ZNF280A: variants seen among roughly 807,000 people sequenced by gnomAD.
ZNF280A encodes the protein zinc finger protein 280A.
In ZNF280A, 26 loss-of-function variants were observed where a neutral mutation model predicts 35.9. The observed-to-expected ratio is 0.72, with a 90% CI of 0.53 to 1.01. The LOEUF (loss-of-function observed/expected upper bound fraction) is 1.01, where lower values mean the gene tolerates loss of function less well. ZNF280A is among the 50% of genes least tolerant of loss of function. The pLI is 0.00. For missense variants in ZNF280A, 654 were observed against 652.0 expected, an observed-to-expected ratio of 1.00 and a Z score of -0.03; for synonymous variants, 231 against 232.9, an observed-to-expected ratio of 0.99 and a Z score of 0.07.
Position 22,514,454 on chromosome 22 carries a change from G to C in ZNF280A, c.1177C>G (p.Pro393Ala), listed in dbSNP as rs746904020. 1.8e-5 allele frequency: 29 copies of C among 1,613,806 alleles called. No homozygotes were observed. The highest frequency in any genetic ancestry group is 2.5e-5 in the Non-Finnish European group (29 of 1,179,986). ...TAATGGCAAACCTGGCACACATAAG[G>C]CATTTCGCCAGGCTTATGATGGTCC... Reference protein sequence around the residue: ...MKDHHKPGEMPYVCQVCHYRS... With the variant: ...MKDHHKPGEMAYVCQVCHYRS... The change falls in exon 2 of 2, where the codon CCT (proline) becomes GCT (alanine). Residue 393 changes from proline (P) to alanine (A), a missense_variant. Pro to Ala is a conservative substitution (Grantham distance 27). Coordinates refer to ENST00000302097, the MANE Select transcript of ZNF280A (RefSeq NM_080740.5).
rs935262490 is a variant in ZNF280A, at chr22:22,514,717, T to C, written c.914A>G (p.Lys305Arg). ...CATAAACTTAATATTTTTTAGAACT[T>C]TCACGCAGCTGAGGCATTTAAAGGT... Reference protein sequence around the residue: ...HTTFKCLSCVKVLKNIKFMNH... With the variant: ...HTTFKCLSCVRVLKNIKFMNH... The change falls in exon 2 of 2, where the codon AAA becomes AGA. Residue 305 changes from lysine (K) to arginine (R), a missense_variant. Coordinates refer to ENST00000302097, the MANE Select transcript of ZNF280A (RefSeq NM_080740.5). The C allele has an allele frequency of 6.2e-7, 1 of 1,613,826 alleles. No individual in the cohort carries two copies. Among genetic ancestry groups the C allele is most frequent in the African/African-American group, 1.3e-5 (1 of 74,874 alleles).
chr22:22,515,776 A>G (rs2062062371), intron 1 of ZNF280A, 75 bp from the exon 2 acceptor site: 1 of 1,283,158 alleles, frequency 7.8e-7, no homozygotes, highest in Non-Finnish European at 1.0e-6. Context: ...ATCCTCCCTT[A>G]AAACACTGAG....
At chr22:22,518,553 C>T (rs1028225945) in intron 1 of ZNF280A, among the ~76,000 whole-genome samples, 2 of 151,188 alleles carry the variant, frequency 1.3e-5, no homozygotes, top group Non-Finnish European at 2.9e-5. Context: ...TTTGGGAGGC[C>T]GAGGTGGGCA....
rs1342218479 is a variant in ZNF280A, at chr22:22,514,366, T to C, written c.1265A>G (p.Asn422Ser). The change falls in exon 2 of 2, where the codon AAT becomes AGT. Residue 422 changes from asparagine (N) to serine (S), a missense_variant. Physicochemically the swap from Asn to Ser is conservative, Grantham distance 46. Coordinates refer to ENST00000302097, the MANE Select transcript of ZNF280A (RefSeq NM_080740.5). ...TTTGAGACAAAACAGACAAAGCAAA[T>C]TCTTTGTGTTTTCATGGCACGTTCT... ...HFRTCHENTK[N>S]LLCLFCLKLF... 2 of 1,613,882 alleles carry C rather than the reference T, an allele frequency of 1.2e-6. No individual in the cohort carries two copies. The highest frequency in any genetic ancestry group is 4.5e-5 in the East Asian group (2 of 44,812).
In ZNF280A at chr22:22,520,067, GAT is replaced by G. The variant is rs2062122561; in HGVS notation, c.-72+20_-72+21del. The G allele has an allele frequency of 2.0e-5, 3 of 152,042 alleles. No homozygotes were observed. Among genetic ancestry groups the G allele is most frequent in the African/African-American group, 7.2e-5 (3 of 41,500 alleles). 9.4% of individuals were successfully genotyped at this position (152,042 alleles called of 1,614,324 possible). A position where few individuals can be genotyped will look rare whatever the true frequency, so the allele number is the denominator to read the frequency against. ...CTAGTTTTAGAGGAGCAAAATGAAA[GAT>G]AGCAAATTTCTCAGCTCACCAGTTC... On this transcript the variant is annotated intron_variant, in intron 1 of 1. Transcript: ENST00000302097.
intron 1 of ZNF280A, among the ~76,000 whole-genome samples, chr22:22,516,497 A>G (rs2062073219): frequency 6.6e-6 from 1 of 151,688 alleles, no homozygotes; most frequent in African/African-American, 2.4e-5. Flanking sequence ...ATCTACTGCC[A>G]CCTCCCTGAT....
chr22:22,517,848 G>C (rs138171528), intron 1 of ZNF280A, among the ~76,000 whole-genome samples: 10 of 130,176 alleles, frequency 7.7e-5, no homozygotes, highest in African/African-American at 3.0e-4. Context: ...CTCAAACCTT[G>C]TTATATCAGC....
intron 1 of ZNF280A, 105 bp from the exon 2 acceptor site, chr22:22,515,806 T>C: frequency 9.6e-7 from 1 of 1,044,832 alleles, no homozygotes; most frequent in Non-Finnish European, 1.3e-6. Context: ...AACATCTCTA[T>C]TTTACACGTC....
intron 1 of ZNF280A, among the ~76,000 whole-genome samples, chr22:22,517,224 T>C (rs779637819): frequency 2.6e-5 from 4 of 151,836 alleles, no homozygotes; most frequent in Non-Finnish European, 4.4e-5. Flanking sequence ...CTGGGCAACA[T>C]AGCAAGACCC....
In ZNF280A at chr22:22,515,050, G is replaced by A. The variant is rs956355844; in HGVS notation, c.581C>T (p.Ala194Val). The stretch of plus-strand genomic sequence containing the variant: ...AGAAGACATATCTGAAGGGACCACA[G>A]CTAAAGAAGGTACCCCTGGGATTCC... ...RDGIPGVPSLAVVPSDMSSTI... is the reference protein window; with the variant it reads ...RDGIPGVPSLVVVPSDMSSTI... Residue 194 changes from alanine (A) to valine (V), a missense_variant, in exon 2 of 2, where the codon GCT becomes GTT. Physicochemically the swap from Ala to Val is moderately conservative, Grantham distance 64 (BLOSUM62 0). Coordinates refer to ENST00000302097, the MANE Select transcript of ZNF280A (RefSeq NM_080740.5). The A allele has an allele frequency of 6.2e-7, 1 of 1,613,914 alleles. No homozygotes were observed. Among genetic ancestry groups the A allele is most frequent in the South Asian group, 1.1e-5 (1 of 91,070 alleles).
Position 22,515,311 on chromosome 22 carries a change from T to C in ZNF280A, c.320A>G (p.Glu107Gly), listed in dbSNP as rs1427233640. 6.2e-7 allele frequency: 1 copy of C among 1,613,856 alleles called. No individual in the cohort carries two copies. The highest frequency in any genetic ancestry group is 8.5e-7 in the Non-Finnish European group (1 of 1,179,958). Residue 107 changes from glutamate (E) to glycine (G), a missense_variant, in exon 2 of 2, where the codon GAG becomes GGG. By Grantham distance (98) the Glu-to-Gly change is moderately conservative. Coordinates refer to ENST00000302097, the MANE Select transcript of ZNF280A (RefSeq NM_080740.5). Reference sequence around the variant, plus strand: ...GACAGGACTATCTGTCGATCGCCCCTCAGACAGAGAAACCGGCATGATGGC... The same window carrying C: ...GACAGGACTATCTGTCGATCGCCCCCCAGACAGAGAAACCGGCATGATGGC... ...AKAIMPVSLS[E>G]GRSTDSPVTM...
At chr22:22,518,785 C>A (rs1374923967) in intron 1 of ZNF280A, among the ~76,000 whole-genome samples, 1,003 of 115,054 alleles carry the variant, frequency 8.7e-3, no homozygotes, top group Middle Eastern at 0.015. Context: ...GAGACTGTCT[C>A]AAAAAAAAAA....
Position 22,514,062 on chromosome 22 carries a change from T to C in ZNF280A, c.1569A>G (p.Lys523=), listed in dbSNP as rs1271618013. The C allele has an allele frequency of 6.2e-7, 1 of 1,611,578 alleles. No individual in the cohort carries two copies. Among genetic ancestry groups the C allele is most frequent in the Admixed American group, 1.7e-5 (1 of 59,536 alleles). The change falls in exon 2 of 2, where the codon AAA becomes AAG. Residue 523 remains lysine, a synonymous_variant. Coordinates refer to ENST00000302097, the MANE Select transcript of ZNF280A (RefSeq NM_080740.5). The part of the protein sequence containing the change: ...TDPQSSPVKT[K]KKTAMNTRDS... Reference sequence around the variant, plus strand: ...CTCTAGTGTTCATAGCCGTCTTCTTTTTAGTTTTTACAGGAGAAGACTGAG... The same window carrying C: ...CTCTAGTGTTCATAGCCGTCTTCTTCTTAGTTTTTACAGGAGAAGACTGAG...
intron 1 of ZNF280A, among the ~76,000 whole-genome samples, chr22:22,517,054 C>T (rs2062080462): frequency 6.6e-6 from 1 of 151,882 alleles, no homozygotes; most frequent in Admixed American, 6.6e-5. Flanking sequence ...TGAGATATAT[C>T]ATGTCACTGC....
At chr22:22,516,820 C>T (rs2062077041) in intron 1 of ZNF280A, among the ~76,000 whole-genome samples, 2 of 151,812 alleles carry the variant, frequency 1.3e-5, no homozygotes, top group Admixed American at 6.6e-5. Context: ...TGTTCCCGGA[C>T]GTTGCGTGCC....
At position 22,518,304 on chromosome 22, in the gene ZNF280A, C is replaced by G. The variant is rs145049404; in HGVS notation, c.-72+1785G>C. On this transcript the variant is annotated intron_variant, in intron 1 of 1. Transcript: ENST00000302097. ...AGCACACTAAACTTGTTTTGTAGTT[C>G]TCTAATGGATATCAGCTACATTTTG... Among the ~76,000 whole-genome samples, 606 of 151,962 alleles carry G rather than the reference C, an allele frequency of 4.0e-3. 6 individuals are homozygous for G. The highest frequency in any genetic ancestry group is 0.023 in the South Asian group (109 of 4,816).
chr22:22,514,913 TA>T lies in ZNF280A; in HGVS notation c.717del (p.Thr240GlnfsTer13), dbSNP rs2062051326. ...GACTCACTTGCTCTCTCTGGATCTG[TA>T]AGATTGAAATGTGCCTTTCCATTAG... Reference protein sequence around the residue: ...PDANGKAHFNLTDPERASESA... With the variant: ...PDANGKAHFNXTDPERASESA... On this transcript the variant is annotated frameshift_variant, in exon 2 of 2. Coordinates refer to ENST00000302097, the MANE Select transcript of ZNF280A (RefSeq NM_080740.5). LOFTEE classifies it high-confidence loss of function. The T allele has an allele frequency of 6.2e-7, 1 of 1,613,682 alleles. No homozygotes were observed. The highest frequency in any genetic ancestry group is 1.3e-5 in the African/African-American group (1 of 74,866).
Position 22,513,949 on chromosome 22 carries a change from G to T in ZNF280A, c.*53C>A. 1 of 1,024,170 alleles carries T rather than the reference G, an allele frequency of 9.8e-7. No homozygotes were observed. Among genetic ancestry groups the T allele is most frequent in the Non-Finnish European group, 1.5e-6 (1 of 678,316 alleles). The allele number at this position is 1,024,170 out of a possible 1,614,324, so 63.4% of individuals were successfully genotyped here. A position where few individuals can be genotyped will look rare whatever the true frequency, so the allele number is the denominator to read the frequency against. On this transcript the variant is annotated 3_prime_UTR_variant, in exon 2 of 2. Transcript: ENST00000302097. ...CATCTACAGCCACAATGCACATATG[G>T]CCTAGCCTCACTTCTGCCTTTCGGA...
At chr22:22,518,591 C>T (rs915798020) in intron 1 of ZNF280A, among the ~76,000 whole-genome samples, 27 of 151,552 alleles carry the variant, frequency 1.8e-4, no homozygotes, top group African/African-American at 6.5e-4. Flanking sequence ...AGTTCGAGAC[C>T]AGCCTGGCCA....
Sources: gnomAD v4.1 joint callset for allele counts (sites outside exome capture counted in the v4.1 genomes callset) on GRCh38, gnomAD v4.1.1 for gene constraint, MANE v1.5 for transcripts, NCBI Gene and HGNC (gene_info 2026-07-23, HGNC 2026-07-21) for gene names.